The following EPHA6 variants were observed in gnomAD, a reference collection of about 807,000 sequenced individuals.
EPHA6 encodes the protein EPH receptor A6.
In EPHA6, 50 loss-of-function variants were observed where a neutral mutation model predicts 112.0. That is an observed-to-expected ratio of 0.45 (90% confidence interval 0.36 to 0.56). The LOEUF is 0.56. Among genes scored for constraint, EPHA6 ranks in the 20% least tolerant of loss-of-function variants. The probability of loss-of-function intolerance (pLI) is 0.00; values close to 1 mark genes in which losing one functional copy is unlikely to be tolerated. For synonymous variants in EPHA6, 529 were observed against 490.7 expected (o/e 1.08, Z -1.03); for missense variants, 1,280 against 1,417.4 (o/e 0.90, Z 1.56).
In EPHA6 at chr3:97,752,364, T is replaced by TCTACCAAA. The variant is rs2035923072; in HGVS notation, c.*3665_*3666insACCAAACT. ...TTTTGGTGTCTTTTCCTACCAAATT[T>TCTACCAAA]CTGCTCTACAAGGCAGTCAGTTAAA... On this transcript the variant is annotated 3_prime_UTR_variant, in exon 18 of 18. Coordinates refer to ENST00000389672, the MANE Select transcript of EPHA6 (RefSeq NM_001080448.3). 1 of 224,744 alleles carries TCTACCAAA rather than the reference T, an allele frequency of 4.4e-6. No individual in the cohort carries two copies. Among genetic ancestry groups the TCTACCAAA allele is most frequent in the Non-Finnish European group, 8.9e-6 (1 of 112,732 alleles). The allele number at this position is 224,744 out of a possible 1,614,324, so 13.9% of individuals were successfully genotyped here. A position where few individuals can be genotyped will look rare whatever the true frequency, so the allele number is the denominator to read the frequency against.
rs748906672 is a variant in EPHA6 at position 97,748,836 on chromosome 3, CT to C, written c.*137del. The C allele has an allele frequency of 1.9e-5, 12 of 627,730 alleles. No homozygotes were observed. Among genetic ancestry groups the C allele is most frequent in the Non-Finnish European group, 3.2e-5 (11 of 346,016 alleles). The allele number at this position is 627,730 out of a possible 1,614,324, so 38.9% of individuals were successfully genotyped here. Reference sequence around the variant, plus strand: ...TTCTGTTCAGACTATAGGCACACACCTTATGTTTATGCTTCCAACCAGGATT... The same window carrying C: ...TTCTGTTCAGACTATAGGCACACACCTATGTTTATGCTTCCAACCAGGATT... On this transcript the variant is annotated 3_prime_UTR_variant, in exon 18 of 18. Transcript: ENST00000389672.
chr3:97,381,440 A>G (rs2085722749), intron 5 of EPHA6, among the ~76,000 whole-genome samples: 1 of 152,078 alleles, frequency 6.6e-6, no homozygotes, highest in African/African-American at 2.4e-5. Context: ...AAATAAGTGA[A>G]TTGCCAAGAG....
rs115832732 is a variant in EPHA6 at position 96,864,863 on chromosome 3, A to G, written c.386-1962A>G. 3.6e-3 allele frequency among the ~76,000 whole-genome samples: 545 copies of G among 152,212 alleles called. 4 individuals are homozygous for G. Among genetic ancestry groups the G allele is most frequent in the Middle Eastern group, 0.017 (5 of 294 alleles). ...CACTGTCTGGATATGTCATTGCATT[A>G]AGGAATTTTTATATTAATGAATTAA... On this transcript the variant is annotated intron_variant, in intron 1 of 17. Transcript: ENST00000389672.
At chr3:96,867,895 CT>C (rs1025068914) in intron 2 of EPHA6, among the ~76,000 whole-genome samples, 1 of 152,016 alleles carries the variant, frequency 6.6e-6, no homozygotes. Context: ...AAATCTTCCT[CT>C]CTTTAACAGC....
chr3:97,250,598 G>A (rs2079107658), intron 5 of EPHA6, among the ~76,000 whole-genome samples: 1 of 152,174 alleles, frequency 6.6e-6, no homozygotes, highest in Admixed American at 6.5e-5. Flanking sequence ...ATTAGCAGAT[G>A]TTTAACTAAA....
At chr3:96,844,685 C>T (rs985088580) in intron 1 of EPHA6, among the ~76,000 whole-genome samples, 1 of 151,888 alleles carries the variant, frequency 6.6e-6, no homozygotes. Context: ...TGAATACTTT[C>T]TGTAATCAAT....
intron 14 of EPHA6, among the ~76,000 whole-genome samples, chr3:97,639,755 T>C (rs190648944): frequency 6.6e-6 from 1 of 152,314 alleles, no homozygotes; most frequent in Non-Finnish European, 1.5e-5. Flanking sequence ...TTCTGTCTTA[T>C]GTGATTCTAA....
At chr3:97,010,072 A>G in intron 3 of EPHA6, 2 of 1,293,560 alleles carry the variant, frequency 1.5e-6, no homozygotes, top group Non-Finnish European at 1.0e-6. Context: ...CCTTTGAAGA[A>G]TAAAAGAAAA....
At chr3:96,895,087 C>A (rs2038191926) in intron 2 of EPHA6, among the ~76,000 whole-genome samples, 1 of 152,142 alleles carries the variant, frequency 6.6e-6, no homozygotes, top group South Asian at 2.1e-4. Context: ...GAGCCTCAGG[C>A]AGGTTCTTCA....
chr3:97,684,777 C>A (rs898601462), intron 14 of EPHA6, among the ~76,000 whole-genome samples: 9 of 152,086 alleles, frequency 5.9e-5, no homozygotes, highest in Non-Finnish European at 1.0e-4. Flanking sequence ...AATCAGAAAC[C>A]AGTCTGTACA....
chr3:97,696,178 A>G (rs1576306104), intron 14 of EPHA6, among the ~76,000 whole-genome samples: 1 of 152,196 alleles, frequency 6.6e-6, no homozygotes, highest in East Asian at 1.9e-4. Context: ...TCACGGTCTC[A>G]TGAGCTAGTC....
At chr3:97,290,939 G>A (rs564722528) in intron 5 of EPHA6, among the ~76,000 whole-genome samples, 11 of 151,808 alleles carry the variant, frequency 7.2e-5, no homozygotes, top group Non-Finnish European at 4.4e-5. Flanking sequence ...AGGGTTTAAT[G>A]TATTCTTACT....
intron 3 of EPHA6, among the ~76,000 whole-genome samples, chr3:97,145,680 C>T (rs1289195779): frequency 6.6e-6 from 1 of 151,554 alleles, no homozygotes; most frequent in Non-Finnish European, 1.5e-5. Context: ...TGAAATTCTA[C>T]TGCATAGGTT....
intron 11 of EPHA6, among the ~76,000 whole-genome samples, chr3:97,574,216 G>C (rs2093361400): frequency 6.6e-6 from 1 of 152,010 alleles, no homozygotes; most frequent in South Asian, 2.1e-4. Flanking sequence ...TATCCTAAAG[G>C]CTGAATTTAT....
rs201819479 is a variant in EPHA6 at position 97,363,432 on chromosome 3, CATT to C, written c.1607-41715_1607-41713del. ...CAAATTCCCCCTGGTTTACTTATCT[CATT>C]ATAAAAGAATTGGGTAGGTTAATAA... On this transcript the variant is annotated intron_variant, in intron 5 of 17. Transcript: ENST00000389672. Among the ~76,000 whole-genome samples the C allele has an allele frequency of 5.5e-3, 834 of 151,204 alleles. 10 individuals are homozygous for C. Among genetic ancestry groups the C allele is most frequent in the African/African-American group, 0.019 (802 of 41,324 alleles).
At chr3:96,953,471 A>G (rs774440536) in intron 2 of EPHA6, among the ~76,000 whole-genome samples, 5 of 152,198 alleles carry the variant, frequency 3.3e-5, no homozygotes, top group East Asian at 3.8e-4. Flanking sequence ...AAATACTCCA[A>G]TAATACAAAA....
chr3:97,272,211 A>G (rs892742515), intron 5 of EPHA6, among the ~76,000 whole-genome samples: 4 of 152,046 alleles, frequency 2.6e-5, no homozygotes, highest in African/African-American at 9.7e-5. Context: ...GCCTTACTTC[A>G]TTTAGCATAA....
At chr3:96,901,845 A>G (rs2107574846) in intron 2 of EPHA6, among the ~76,000 whole-genome samples, 1 of 152,316 alleles carries the variant, frequency 6.6e-6, no homozygotes, top group East Asian at 1.9e-4. Flanking sequence ...AACTATTTGG[A>G]TATGATTGAT....
intron 3 of EPHA6, among the ~76,000 whole-genome samples, chr3:97,181,697 A>T (rs2076992784): frequency 6.6e-6 from 1 of 152,214 alleles, no homozygotes; most frequent in Non-Finnish European, 1.5e-5. Flanking sequence ...ATTTATAATT[A>T]TTAGAGGATT....
Sources: allele counts gnomAD v4.1 joint callset (sites outside exome capture counted in the v4.1 genomes callset), GRCh38; gene constraint gnomAD v4.1.1; transcripts MANE v1.5; gene names NCBI Gene and HGNC (gene_info 2026-07-23, HGNC 2026-07-21).